Variants in STEAP1 observed in about 807,000 individuals in gnomAD.
STEAP1 encodes STEAP1 protein.
Under a neutral mutation model 34.4 loss-of-function variants are expected in STEAP1, and 30 were observed. The observed-to-expected ratio is 0.87, with a 90% confidence interval of 0.65 to 1.18. STEAP1 has a LOEUF of 1.18. Among genes scored for constraint, STEAP1 ranks in the 50% most tolerant of loss-of-function variants. The pLI, the probability that STEAP1 is intolerant of heterozygous loss-of-function variation, is 0.00. For synonymous variants in STEAP1, 116 were observed against 135.3 expected, an observed-to-expected ratio of 0.86 and a Z score of 0.99; for missense variants, 318 against 391.1, an observed-to-expected ratio of 0.81 and a Z score of 1.58.
intron 1 of STEAP1, among the ~76,000 whole-genome samples, chr7:90,156,737 C>T (rs192706068): frequency 1.3e-3 from 193 of 152,248 alleles, no homozygotes; most frequent in Middle Eastern, 6.8e-3. Flanking sequence ...TTGTCTTCCA[C>T]GAAACCAGTC....
At chr7:90,163,660 T>C (rs1201300903) in intron 4 of STEAP1, among the ~76,000 whole-genome samples, 1 of 152,182 alleles carries the variant, frequency 6.6e-6, no homozygotes, top group Non-Finnish European at 1.5e-5. Flanking sequence ...TCTGGCAGGC[T>C]AATGACCATT....
At chr7:90,163,115 G>A (rs969617423) in intron 4 of STEAP1, 3 of 337,726 alleles carry the variant, frequency 8.9e-6, no homozygotes, top group African/African-American at 2.1e-5. Flanking sequence ...CACAAGGTCA[G>A]ACATTCGCAA....
chr7:90,163,041 T>A (rs1319431933), intron 4 of STEAP1: 2 of 430,606 alleles, frequency 4.6e-6, no homozygotes, highest in Non-Finnish European at 1.0e-5. Flanking sequence ...TTCAAAGGAC[T>A]AAATTTAATT....
At chr7:90,155,454 C>T (rs1272305836) in intron 1 of STEAP1, among the ~76,000 whole-genome samples, 1 of 152,162 alleles carries the variant, frequency 6.6e-6, no homozygotes, top group Non-Finnish European at 1.5e-5. Context: ...GGGCAGCCAT[C>T]CTGGTACAGC....
chr7:90,162,955 G>T, intron 4 of STEAP1: 1 of 359,170 alleles, frequency 2.8e-6, no homozygotes, highest in South Asian at 2.1e-5. Context: ...ATTTACTGAG[G>T]TTTATCTTCT....
intron 4 of STEAP1, among the ~76,000 whole-genome samples, chr7:90,163,855 A>T (rs965428952): frequency 6.6e-6 from 1 of 152,224 alleles, no homozygotes; most frequent in Non-Finnish European, 1.5e-5. Context: ...CATTGAAAAA[A>T]TTGTTCATAT....
rs765746472 is a variant in STEAP1, at chr7:90,164,569, G to A, written c.855G>A (p.Trp285Ter). 11 of 1,613,586 alleles carry A rather than the reference G, an allele frequency of 6.8e-6. No individual in the cohort carries two copies. The highest frequency in any genetic ancestry group is 1.7e-5 in the Admixed American group (1 of 59,956). ...NKWIDIKQFV[W>*]YTPPTFMIAV... ...GGATAGATATAAAACAATTTGTATGGTATACACCTCCAACTTTTATGATAG... is the reference window on the plus strand; with the variant it reads ...GGATAGATATAAAACAATTTGTATGATATACACCTCCAACTTTTATGATAG... The change falls in exon 5 of 5, where the codon TGG becomes TGA. Residue 285 changes from tryptophan (W) to a stop codon, truncating the protein, a stop_gained. Transcript: ENST00000297205. LOFTEE classifies it high-confidence loss of function.
At chr7:90,159,914 C>T in intron 2 of STEAP1, 42 bp downstream of exon 2, 3 of 1,316,750 alleles carry the variant, frequency 2.3e-6, no homozygotes, top group Non-Finnish European at 3.0e-6. Flanking sequence ...TAATTTACAT[C>T]TTTAAACATA....
At chr7:90,164,302 A>C (rs1794222005) in intron 4 of STEAP1, among the ~76,000 whole-genome samples, 175 bp from the exon 5 acceptor site, 1 of 152,174 alleles carries the variant, frequency 6.6e-6, no homozygotes, top group African/African-American at 2.4e-5. Flanking sequence ...CCCAAAAGTA[A>C]GGTGAGGAGG....
Position 90,161,211 on chromosome 7 carries a change from T to C in STEAP1, c.491T>C (p.Phe164Ser). 6.2e-7 allele frequency: 1 copy of C among 1,614,136 alleles called. No individual in the cohort carries two copies. Among genetic ancestry groups the C allele is most frequent in the South Asian group, 1.1e-5 (1 of 91,082 alleles). ...LDKWMLTRKQFGLLSFFFAVL... is the reference protein window; with the variant it reads ...LDKWMLTRKQSGLLSFFFAVL... ...AAGTGGATGTTAACAAGAAAGCAGTTTGGGCTTCTCAGTTTCTTTTTTGCT... is the reference window on the plus strand; with the variant it reads ...AAGTGGATGTTAACAAGAAAGCAGTCTGGGCTTCTCAGTTTCTTTTTTGCT... The change falls in exon 3 of 5, where the codon TTT becomes TCT. Residue 164 changes from phenylalanine to serine, a missense_variant. Coordinates refer to ENST00000297205, the MANE Select transcript of STEAP1 (RefSeq NM_012449.3).
At chr7:90,157,181 A>G (rs1794128201) in intron 1 of STEAP1, among the ~76,000 whole-genome samples, 1 of 151,600 alleles carries the variant, frequency 6.6e-6, no homozygotes, top group Non-Finnish European at 1.5e-5. Context: ...ACTTAAACCA[A>G]AAAAAAAGGG....
Position 90,164,768 on chromosome 7 carries a change from G to T in STEAP1, c.*34G>T, listed in dbSNP as rs1485603162. On this transcript the variant is annotated 3_prime_UTR_variant, in exon 5 of 5. Transcript: ENST00000297205. The stretch of plus-strand genomic sequence containing the variant: ...TTTACACACATTTTTGTTCAATATT[G>T]ATATATTTTATCACCAACATTTCAA... 2 of 1,538,458 alleles carry T rather than the reference G, an allele frequency of 1.3e-6. No individual in the cohort carries two copies. The highest frequency in any genetic ancestry group is 2.5e-5 in the South Asian group (2 of 79,740).
chr7:90,154,678 G>A (rs1265379413), intron 1 of STEAP1, 135 bp downstream of exon 1: 1 of 152,416 alleles, frequency 6.6e-6, no homozygotes, highest in Non-Finnish European at 1.5e-5. Flanking sequence ...CTGGACAGCG[G>A]CCCTCCTGGG....
Position 90,164,795 on chromosome 7 carries a change from T to A in STEAP1, c.*61T>A. On this transcript the variant is annotated 3_prime_UTR_variant, in exon 5 of 5. Transcript: ENST00000297205. ...TATATTTTATCACCAACATTTCAAG[T>A]TTGTATTTGTTAATAAAATGATTAT... The A allele has an allele frequency of 1.4e-6, 2 of 1,424,674 alleles. No homozygotes were observed. Among genetic ancestry groups the A allele is most frequent in the Admixed American group, 5.0e-5 (2 of 39,750 alleles). The allele number at this position is 1,424,674 out of a possible 1,614,324, so 88.3% of individuals were successfully genotyped here.
chr7:90,162,308 T>TG (rs1554336334), intron 4 of STEAP1: 5 of 596,716 alleles, frequency 8.4e-6, no homozygotes, highest in African/African-American at 5.9e-5. Flanking sequence ...TGTTTTTTTT[T>TG]TTTGTTTGTT....
intron 4 of STEAP1, among the ~76,000 whole-genome samples, 181 bp from the exon 5 acceptor site, chr7:90,164,296 A>C (rs1032517840): frequency 6.6e-6 from 1 of 152,178 alleles, no homozygotes; most frequent in Non-Finnish European, 1.5e-5. Flanking sequence ...AAATTACCCA[A>C]AAGTAAGGTG....
At chr7:90,160,406 GA>G (rs2115963232) in intron 2 of STEAP1, among the ~76,000 whole-genome samples, 1 of 151,836 alleles carries the variant, frequency 6.6e-6, no homozygotes, top group South Asian at 2.1e-4. Context: ...TTTTTTGACT[GA>G]AAAAGTGGCA....
intron 2 of STEAP1, among the ~76,000 whole-genome samples, chr7:90,160,223 A>G (rs566109652): frequency 3.3e-5 from 5 of 152,144 alleles, no homozygotes; most frequent in Middle Eastern, 3.2e-3. Flanking sequence ...AAAGTCATCA[A>G]TGCCCATATA....
In STEAP1 at chr7:90,164,511, C is replaced by A; in HGVS notation, c.797C>A (p.Thr266Lys). Residue 266 changes from threonine (T) to lysine (K), a missense_variant, in exon 5 of 5, where the codon ACA becomes AAA. Physicochemically the swap from Thr to Lys is moderately conservative, Grantham distance 78. Coordinates refer to ENST00000297205, the MANE Select transcript of STEAP1 (RefSeq NM_012449.3). ...GGAATTGTTTCCCTTCTACTGGGCA[C>A]AATACACGCATTGATTTTTGCCTGG... ...KLGIVSLLLG[T>K]IHALIFAWNK... 1 of 1,612,688 alleles carries A rather than the reference C, an allele frequency of 6.2e-7. No homozygotes were observed. Among genetic ancestry groups the A allele is most frequent in the South Asian group, 1.1e-5 (1 of 90,852 alleles).
Sources: gnomAD v4.1 joint callset for allele counts (sites outside exome capture counted in the v4.1 genomes callset) on GRCh38, gnomAD v4.1.1 for gene constraint, MANE v1.5 for transcripts, NCBI Gene and HGNC (gene_info 2026-07-23, HGNC 2026-07-21) for gene names.